The following XCR1 variants were observed in gnomAD, a reference collection of about 807,000 sequenced individuals.
The protein encoded by XCR1 is chemokine XC receptor 1.
For missense variants in XCR1, 356 were observed against 424.2 expected (o/e 0.84, Z 1.41); for synonymous variants, 187 against 188.5 (o/e 0.99, Z 0.06).
Position 46,021,185 on chromosome 3 carries a change from T to A in XCR1, c.763A>T (p.Ile255Phe). 6.2e-7 allele frequency: 1 copy of A among 1,614,202 alleles called. No homozygotes were observed. Among genetic ancestry groups the A allele is most frequent in the East Asian group, 2.2e-5 (1 of 44,890 alleles). ...TGTTTGGCCTCGCAGCTCCGGATGA[T>A]CTGGGTCCGAAACAGCGTCTGCAGA... ...LFLQTLFRTQ[I>F]IRSCEAKQQL... Residue 255 changes from isoleucine (I) to phenylalanine (F), a missense_variant, in exon 2 of 2, where the codon ATC becomes TTC. Transcript: ENST00000309285. The surrounding 1 kb of genome is among the most constrained non-coding windows in gnomAD (Gnocchi z 4.7).
Position 46,018,897 on chromosome 3 carries a change from A to T in XCR1, c.*2049T>A, listed in dbSNP as rs535651387. 1 of 152,234 alleles carries T rather than the reference A, an allele frequency of 6.6e-6. No homozygotes were observed. The highest frequency in any genetic ancestry group is 1.5e-5 in the Non-Finnish European group (1 of 68,044). 9.4% of individuals were successfully genotyped at this position (152,234 alleles called of 1,614,324 possible). A position where few individuals can be genotyped will look rare whatever the true frequency, so the allele number is the denominator to read the frequency against. Reference sequence around the variant, plus strand: ...CTCTGGACTCCTCATTTTTTAAAAAAGTTGCAGCCAAATGTACCTAATGAA... The same window carrying T: ...CTCTGGACTCCTCATTTTTTAAAAATGTTGCAGCCAAATGTACCTAATGAA... On this transcript the variant is annotated 3_prime_UTR_variant, in exon 2 of 2. Transcript: ENST00000309285.
At chr3:46,078,490 C>T (rs1179032842) in intron 1 of XCR1, among the ~76,000 whole-genome samples, 1 of 152,128 alleles carries the variant, frequency 6.6e-6, no homozygotes, top group Non-Finnish European at 1.5e-5. Flanking sequence ...GGGAGTTTTC[C>T]ATCTGTGCCT....
chr3:46,045,415 C>A (rs930314270), intron 5 of XCR1, among the ~76,000 whole-genome samples: 5 of 151,652 alleles, frequency 3.3e-5, no homozygotes, highest in Non-Finnish European at 4.4e-5. Flanking sequence ...GAATTAAATA[C>A]CACCACCAAC....
rs1301500259 is a variant in XCR1 at position 46,019,863 on chromosome 3, G to C, written c.*1083C>G. The C allele has an allele frequency of 6.6e-6, 1 of 152,296 alleles. No homozygotes were observed. The highest frequency in any genetic ancestry group is 1.9e-4 in the East Asian group (1 of 5,202). 9.4% of individuals were successfully genotyped at this position (152,296 alleles called of 1,614,324 possible). A position where few individuals can be genotyped will look rare whatever the true frequency, so the allele number is the denominator to read the frequency against. ...CAGTGGGGAGATGCCAAGGAAGTGA[G>C]GCCCTGTTTCAGGGATGAAACCATG... On this transcript the variant is annotated 3_prime_UTR_variant, in exon 2 of 2. Transcript: ENST00000309285.
intron 1 of XCR1, among the ~76,000 whole-genome samples, chr3:46,082,316 G>A (rs72889761): frequency 1.3e-5 from 2 of 151,830 alleles, no homozygotes; most frequent in Non-Finnish European, 2.9e-5. Context: ...TACTTATGGC[G>A]TTAGGCCTCC....
chr3:46,051,843 G>A (rs1237372118), intron 5 of XCR1, among the ~76,000 whole-genome samples: 2 of 152,122 alleles, frequency 1.3e-5, no homozygotes, highest in African/African-American at 2.4e-5. Context: ...TGGCTAATAC[G>A]GTGAAACTGT....
At chr3:46,055,790 G>A (rs1697839899) in intron 4 of XCR1, among the ~76,000 whole-genome samples, 1 of 152,146 alleles carries the variant, frequency 6.6e-6, no homozygotes, top group African/African-American at 2.4e-5. Context: ...GGGCCCATGT[G>A]GAAACATGGA....
At chr3:46,027,704 G>A (rs1708324499), upstream of XCR1, 1 of 152,210 alleles carries the variant, frequency 6.6e-6, no homozygotes, top group African/African-American at 2.4e-5. Context: ...GAGCCTGCAT[G>A]TTTGAATAGA....
At chr3:46,066,434 G>A (rs946385774) in intron 4 of XCR1, among the ~76,000 whole-genome samples, 4 of 152,062 alleles carry the variant, frequency 2.6e-5, no homozygotes, top group Non-Finnish European at 5.9e-5. Context: ...TAGTAGAGAC[G>A]GGGTTTCACC....
At chr3:46,032,361 A>T (rs1412346589), upstream of XCR1, among the ~76,000 whole-genome samples, 3 of 152,226 alleles carry the variant, frequency 2.0e-5, no homozygotes, top group Admixed American at 2.0e-4. Flanking sequence ...CATCTGGTCC[A>T]GCCATAGCTT....
chr3:46,035,333 G>T (rs1205369459), intron 5 of XCR1, among the ~76,000 whole-genome samples: 1 of 152,172 alleles, frequency 6.6e-6, no homozygotes, highest in African/African-American at 2.4e-5. Flanking sequence ...CAGGGAGATG[G>T]ATTTGAGACT....
chr3:46,077,657 G>A (rs1361960477), intron 1 of XCR1, among the ~76,000 whole-genome samples: 2 of 152,134 alleles, frequency 1.3e-5, no homozygotes, highest in Non-Finnish European at 2.9e-5. Flanking sequence ...GACCACTGCT[G>A]TAGCTCAACA....
At position 46,020,829 on chromosome 3, in the gene XCR1, C is replaced by T. The variant is rs1708124198; in HGVS notation, c.*117G>A. The T allele has an allele frequency of 3.0e-6, 4 of 1,332,726 alleles. No individual in the cohort carries two copies. Among genetic ancestry groups the T allele is most frequent in the Admixed American group, 2.8e-5 (1 of 36,088 alleles). 82.6% of individuals were successfully genotyped at this position (1,332,726 alleles called of 1,614,324 possible). A position where few individuals can be genotyped will look rare whatever the true frequency, so the allele number is the denominator to read the frequency against. ...AATGACCTTCACTGCACGCCTGCAG[C>T]GGAGGAGACGTCTCCACCCTGCTGT... On this transcript the variant is annotated 3_prime_UTR_variant, in exon 2 of 2. Transcript: ENST00000309285.
At chr3:46,041,221 A>G (rs1363448738) in intron 5 of XCR1, among the ~76,000 whole-genome samples, 1 of 152,202 alleles carries the variant, frequency 6.6e-6, no homozygotes, top group Non-Finnish European at 1.5e-5. Flanking sequence ...TTCTCTTATA[A>G]TGGGACACAG....
At chr3:46,077,839 A>G (rs547455392) in intron 1 of XCR1, among the ~76,000 whole-genome samples, 1 of 152,288 alleles carries the variant, frequency 6.6e-6, no homozygotes, top group Non-Finnish European at 1.5e-5. Flanking sequence ...AGAATACCAA[A>G]TACCGCACGT....
chr3:46,035,163 C>T (rs1697401896), intron 5 of XCR1, among the ~76,000 whole-genome samples: 2 of 152,176 alleles, frequency 1.3e-5, no homozygotes, highest in South Asian at 4.1e-4. Flanking sequence ...CCATGTTGGT[C>T]AGGCTGGTCT....
At chr3:46,077,419 T>C (rs1046117194) in intron 1 of XCR1, among the ~76,000 whole-genome samples, 3 of 151,658 alleles carry the variant, frequency 2.0e-5, no homozygotes, top group African/African-American at 7.3e-5. Context: ...TCCCATCACC[T>C]CCAGATGGGA....
At chr3:46,079,627 C>A (rs1698322871) in intron 1 of XCR1, among the ~76,000 whole-genome samples, 1 of 152,106 alleles carries the variant, frequency 6.6e-6, no homozygotes, top group African/African-American at 2.4e-5. Flanking sequence ...TGAACCCCCT[C>A]CCTGAAACCC....
chr3:46,066,786 G>A (rs1698084777), intron 4 of XCR1, among the ~76,000 whole-genome samples: 1 of 152,244 alleles, frequency 6.6e-6, no homozygotes, highest in Non-Finnish European at 1.5e-5. Context: ...AGCATTCAGT[G>A]CCTATGCAAT....
Sources: allele counts gnomAD v4.1 joint callset (sites outside exome capture counted in the v4.1 genomes callset), GRCh38; gene constraint gnomAD v4.1.1; non-coding constraint Gnocchi (gnomAD v3.1); transcripts MANE v1.5; gene names NCBI Gene and HGNC (gene_info 2026-07-23, HGNC 2026-07-21).